Variants in CCDC7 observed in about 807,000 individuals in gnomAD.
CCDC7 encodes the protein coiled-coil domain containing 7.
Under a neutral mutation model 196.9 loss-of-function variants are expected in CCDC7, and 183 were observed. The observed-to-expected ratio is 0.93, with a 90% confidence interval of 0.82 to 1.05. CCDC7 has a LOEUF of 1.05. Ranked by LOEUF, CCDC7 falls within the 50% of genes least tolerant of loss-of-function variation. The probability of loss-of-function intolerance (pLI) is 0.00; values close to 1 mark genes in which losing one functional copy is unlikely to be tolerated. For synonymous variants in CCDC7, 525 were observed against 484.6 expected, an observed-to-expected ratio of 1.08 and a Z score of -1.10; for missense variants, 1,540 against 1,482.2, an observed-to-expected ratio of 1.04 and a Z score of -0.64.
At chr10:32,704,188 G>A (rs543219551) in intron 24 of CCDC7, among the ~76,000 whole-genome samples, 23 of 152,168 alleles carry the variant, frequency 1.5e-4, no homozygotes, top group African/African-American at 5.5e-4. Context: ...ATGGGGTTTT[G>A]GTGTGGATGT....
intron 32 of CCDC7, among the ~76,000 whole-genome samples, chr10:32,834,433 TA>T (rs1277325377): frequency 6.6e-6 from 1 of 152,088 alleles, no homozygotes; most frequent in Non-Finnish European, 1.5e-5. Flanking sequence ...TGAATGTGTT[TA>T]AAAATTATAT....
In CCDC7 at chr10:32,603,908, T is replaced by G. The variant is rs527951970; in HGVS notation, c.1801+19604T>G. Among the ~76,000 whole-genome samples, 86 of 152,234 alleles carry G rather than the reference T, an allele frequency of 5.6e-4. No individual in the cohort carries two copies. The South Asian group carries it at 0.018, about 31-fold the overall frequency. ...TTTTCTCTCATTCAACAAGCTGCCT[T>G]TTTATTGATTGTTTCTTCTGCTGGG... On this transcript the variant is annotated intron_variant, in intron 18 of 41. Coordinates refer to ENST00000639629, the Ensembl canonical transcript of CCDC7.
intron 32 of CCDC7, among the ~76,000 whole-genome samples, chr10:32,832,481 G>GT (rs2092281174): frequency 1.3e-5 from 2 of 151,864 alleles, no homozygotes; most frequent in Non-Finnish European, 2.9e-5. Context: ...CCATCTTGGG[G>GT]GAAAAAAAAC....
chr10:32,848,666 AC>A lies in CCDC7; in HGVS notation c.3845del (p.Pro1282GlnfsTer8). The A allele has an allele frequency of 6.5e-7, 1 of 1,547,666 alleles. No homozygotes were observed. Among genetic ancestry groups the A allele is most frequent in the Non-Finnish European group, 8.9e-7 (1 of 1,118,844 alleles). On this transcript the variant is annotated frameshift_variant, in exon 39 of 42. Transcript: ENST00000639629. LOFTEE classifies it high-confidence loss of function. Reference sequence around the variant, plus strand: ...AAGGTATCTTTACTAGGAGCATTACACCAAGTAAATTCCCAACAAAAGTGAT... The same window carrying A: ...AAGGTATCTTTACTAGGAGCATTACACAAGTAAATTCCCAACAAAAGTGAT...
At chr10:32,627,036 T>C (rs947479891) in intron 18 of CCDC7, among the ~76,000 whole-genome samples, 8 of 5,858 alleles carry the variant, frequency 1.4e-3, no homozygotes, top group African/African-American at 2.2e-3. Context: ...CTATTCAGGT[T>C]TTTTTTTTTT....
At chr10:32,767,492 A>C (rs1368367370) in intron 28 of CCDC7, among the ~76,000 whole-genome samples, 1 of 152,150 alleles carries the variant, frequency 6.6e-6, no homozygotes, top group East Asian at 1.9e-4. Context: ...TCCTTTAAAA[A>C]TTTATTTGTG....
intron 28 of CCDC7, among the ~76,000 whole-genome samples, chr10:32,741,335 T>C (rs2085801497): frequency 6.6e-6 from 1 of 152,204 alleles, no homozygotes; most frequent in African/African-American, 2.4e-5. Flanking sequence ...CATATTAAAA[T>C]TATGCACATT....
At chr10:32,692,000 A>G (rs1437165677) in intron 23 of CCDC7, among the ~76,000 whole-genome samples, 5 of 152,228 alleles carry the variant, frequency 3.3e-5, no homozygotes, top group Non-Finnish European at 5.9e-5. Context: ...TGTAGTGATA[A>G]GCTCCACAAT....
chr10:32,585,229 A>G (rs1295337340), intron 18 of CCDC7, among the ~76,000 whole-genome samples: 3 of 152,120 alleles, frequency 2.0e-5, no homozygotes, highest in Non-Finnish European at 4.4e-5. Flanking sequence ...GCATGCCGCC[A>G]TGCCCAGCTA....
chr10:32,574,502 G>A (rs764574415), intron 16 of CCDC7: 117 of 1,552,572 alleles, frequency 7.5e-5, no homozygotes, highest in Non-Finnish European at 9.3e-5. Context: ...GCGAAGTAAG[G>A]AGACCCCACC....
chr10:32,534,270 T>G (rs1013211781), intron 11 of CCDC7, among the ~76,000 whole-genome samples: 1 of 152,300 alleles, frequency 6.6e-6, no homozygotes, highest in African/African-American at 2.4e-5. Flanking sequence ...TATTTTAAAC[T>G]TGTTGTTAAA....
At chr10:32,646,288 G>T (rs1034372666) in intron 20 of CCDC7, among the ~76,000 whole-genome samples, 6 of 149,110 alleles carry the variant, frequency 4.0e-5, no homozygotes, top group Admixed American at 6.6e-5. Context: ...TTGATGCATT[G>T]TTTTTTTCAT....
chr10:32,724,887 G>A (rs1426032232), intron 25 of CCDC7, among the ~76,000 whole-genome samples: 1 of 152,112 alleles, frequency 6.6e-6, no homozygotes, highest in East Asian at 1.9e-4. Context: ...TGCACTGGCT[G>A]TATGTTACAT....
At chr10:32,812,333 T>C (rs1162043047) in intron 30 of CCDC7, among the ~76,000 whole-genome samples, 1 of 152,002 alleles carries the variant, frequency 6.6e-6, no homozygotes, top group Non-Finnish European at 1.5e-5. Context: ...ATTGGAAATA[T>C]ATATTTTCTT....
In CCDC7 at chr10:32,848,388, G is replaced by A. The variant is rs17230472; in HGVS notation, c.3773-208G>A. Among the ~76,000 whole-genome samples, 1,204 of 152,166 alleles carry A rather than the reference G, an allele frequency of 7.9e-3. 7 individuals carry two copies. The highest frequency in any genetic ancestry group is 0.02 in the Middle Eastern group (6 of 294). On this transcript the variant is annotated intron_variant, in intron 38 of 41. Transcript: ENST00000639629. Reference sequence around the variant, plus strand: ...TGGGATAAAGGTTGAAATTAAGGAAGATACTGTCACAGAATGCAGAACAAA... The same window carrying A: ...TGGGATAAAGGTTGAAATTAAGGAAAATACTGTCACAGAATGCAGAACAAA...
chr10:32,543,227 G>A (rs2051812808), intron 11 of CCDC7, 73 bp from the exon 13 acceptor site: 2 of 1,221,128 alleles, frequency 1.6e-6, no homozygotes, highest in Non-Finnish European at 1.1e-6. Flanking sequence ...CATTAATAAT[G>A]TATATTATCA....
intron 11 of CCDC7, among the ~76,000 whole-genome samples, chr10:32,536,151 C>G (rs2050453575): frequency 6.6e-6 from 1 of 152,074 alleles, no homozygotes; most frequent in South Asian, 2.1e-4. Flanking sequence ...ATCTAACTAC[C>G]CGTTTGCTTG....
intron 8 of CCDC7, among the ~76,000 whole-genome samples, chr10:32,477,322 C>G (rs1202208749): frequency 1.3e-5 from 2 of 152,082 alleles, no homozygotes; most frequent in African/African-American, 4.8e-5. Context: ...CCTGCCTCAG[C>G]CTCCCTAGCA....
At chr10:32,755,403 C>T (rs1431302892) in intron 28 of CCDC7, among the ~76,000 whole-genome samples, 1 of 152,046 alleles carries the variant, frequency 6.6e-6, no homozygotes, top group African/African-American at 2.4e-5. Flanking sequence ...AGCCAGTTGC[C>T]CCTCTGAGAT....
Sources: allele counts gnomAD v4.1 joint callset (sites outside exome capture counted in the v4.1 genomes callset), GRCh38; gene constraint gnomAD v4.1.1; transcripts MANE v1.5; gene names NCBI Gene and HGNC (gene_info 2026-07-23, HGNC 2026-07-21).